Variants in CFAP74 observed in about 807,000 individuals in gnomAD.
CFAP74 encodes cilia- and flagella-associated protein 74.
A neutral mutation model predicts 188.9 loss-of-function variants in CFAP74; 124 were observed. The ratio of observed to expected loss-of-function variants is 0.66; its 90% CI spans 0.57 to 0.76. CFAP74 has a LOEUF of 0.76. CFAP74 is among the 30% of genes least tolerant of loss of function. The pLI is 0.00. For missense variants in CFAP74, 2,198 were observed against 2,165.2 expected, an observed-to-expected ratio of 1.02 and a Z score of -0.30; for synonymous variants, 956 against 916.7, an observed-to-expected ratio of 1.04 and a Z score of -0.77.
At chr1:1,986,643 C>G (rs1178935277) in intron 5 of CFAP74, among the ~76,000 whole-genome samples, 2 of 152,240 alleles carry the variant, frequency 1.3e-5, no homozygotes, top group Admixed American at 1.3e-4. Flanking sequence ...CCTCTCACCT[C>G]TCACCTCGCC....
chr1:1,922,194 G>T lies in CFAP74; in HGVS notation c.*93C>A. On this transcript the variant is annotated 3_prime_UTR_variant, in exon 39 of 39. Transcript: ENST00000682832. Reference sequence around the variant, plus strand: ...ATTGGAATCTGGCAGAGGATGGCCAGGTCCCAGGCTCTAGGGTAGTATGAC... The same window carrying T: ...ATTGGAATCTGGCAGAGGATGGCCATGTCCCAGGCTCTAGGGTAGTATGAC... 1 of 933,930 alleles carries T rather than the reference G, an allele frequency of 1.1e-6. No individual in the cohort carries two copies. Among genetic ancestry groups the T allele is most frequent in the South Asian group, 1.5e-5 (1 of 66,070 alleles). The allele number at this position is 933,930 out of a possible 1,614,324, so 57.9% of individuals were successfully genotyped here. A position where few individuals can be genotyped will look rare whatever the true frequency, so the allele number is the denominator to read the frequency against.
At chr1:1,971,588 T>G (rs2102080752) in intron 9 of CFAP74, among the ~76,000 whole-genome samples, 1 of 152,334 alleles carries the variant, frequency 6.6e-6, no homozygotes. Context: ...CCGCCTCTGC[T>G]CCTCACCTCT....
chr1:1,939,598 G>C lies in CFAP74; in HGVS notation c.2873C>G (p.Pro958Arg), dbSNP rs1178143709. The C allele has an allele frequency of 6.5e-7, 1 of 1,535,510 alleles. No homozygotes were observed. The highest frequency in any genetic ancestry group is 8.7e-7 in the Non-Finnish European group (1 of 1,146,420). Reference sequence around the variant, plus strand: ...AGGCCTGGCTGCAGGAGGTACCTTGGGAAGCCTGACGAACCCGAACTCCTG... The same window carrying C: ...AGGCCTGGCTGCAGGAGGTACCTTGCGAAGCCTGACGAACCCGAACTCCTG... ...LPQEFGFVRL[P>R]KFVDVQPNDG... Residue 958 changes from proline (P) to arginine (R), a missense_variant, in exon 24 of 39, where the codon CCC becomes CGC. Physicochemically the swap from Pro to Arg is moderately radical, Grantham distance 103. Transcript: ENST00000682832.
rs954073550 is a variant in CFAP74, at chr1:1,968,020, A to G, written c.1245+615T>C. Among the ~76,000 whole-genome samples, 7 of 148,228 alleles carry G rather than the reference A, an allele frequency of 4.7e-5. No homozygotes were observed. Among genetic ancestry groups the G allele is most frequent in the Admixed American group, 4.0e-4 (6 of 14,892 alleles). ...AATGAGTGAGCGAATGAGTGAATGAATGAGTGAATGAGTGAATGAATAAGT... is the reference window on the plus strand; with the variant it reads ...AATGAGTGAGCGAATGAGTGAATGAGTGAGTGAATGAGTGAATGAATAAGT... On this transcript the variant is annotated intron_variant, in intron 11 of 38. Transcript: ENST00000682832. This position sits in a 1 kb window ranked among gnomAD's most constrained non-coding sequence, Gnocchi z 4.3.
intron 24 of CFAP74, 32 bp downstream of exon 24, chr1:1,939,562 C>T: frequency 2.0e-6 from 3 of 1,524,070 alleles, no homozygotes; most frequent in Non-Finnish European, 2.6e-6. Context: ...CAGCCTCACC[C>T]CTCTTACCCC....
intron 11 of CFAP74, 74 bp from the exon 12 acceptor site, chr1:1,966,600 C>T (rs1655492965): frequency 3.7e-6 from 5 of 1,355,906 alleles, no homozygotes; most frequent in Admixed American, 6.6e-5. Context: ...CGGCCCAGCC[C>T]CCGCCGGTAT....
At position 1,946,712 on chromosome 1, in the gene CFAP74, C is replaced by T. The variant is rs145004608; in HGVS notation, c.2242-273G>A. Among the ~76,000 whole-genome samples the T allele has an allele frequency of 9.8e-3, 1,496 of 152,304 alleles. 25 individuals carry two copies. The highest frequency in any genetic ancestry group is 0.033 in the African/African-American group (1,380 of 41,564). The stretch of plus-strand genomic sequence containing the variant: ...GGCCGTGTCCCAGCCAGGGAGGCCG[C>T]GGCCAGCATCCACCCCAAGTTTCAC... On this transcript the variant is annotated intron_variant, in intron 19 of 38. Transcript: ENST00000682832.
intron 6 of CFAP74, among the ~76,000 whole-genome samples, chr1:1,978,181 T>C (rs1570962306): frequency 6.6e-6 from 1 of 152,256 alleles, no homozygotes; most frequent in Non-Finnish European, 1.5e-5. Context: ...TGACCACATA[T>C]AGAAGACATG....
chr1:1,992,120 C>T (rs1030831978), intron 1 of CFAP74, among the ~76,000 whole-genome samples: 22 of 152,036 alleles, frequency 1.4e-4, no homozygotes, highest in African/African-American at 2.4e-4. Flanking sequence ...CATCGTCACG[C>T]GTTGCTGGTG....
At chr1:1,960,964 G>A (rs1456671341) in intron 14 of CFAP74, among the ~76,000 whole-genome samples, 1 of 152,180 alleles carries the variant, frequency 6.6e-6, no homozygotes, top group Non-Finnish European at 1.5e-5. Context: ...TTCCAGACGT[G>A]AGAAAAGAAC....
At chr1:1,958,250 C>T (rs576263428) in intron 16 of CFAP74, among the ~76,000 whole-genome samples, 2 of 152,244 alleles carry the variant, frequency 1.3e-5, no homozygotes, top group Non-Finnish European at 2.9e-5. Context: ...CATAGCGCGC[C>T]TCTGCCCTTC....
chr1:1,958,688 C>T (rs1051200831), intron 16 of CFAP74, among the ~76,000 whole-genome samples: 12 of 150,064 alleles, frequency 8.0e-5, no homozygotes, highest in African/African-American at 2.8e-4. Flanking sequence ...TGTCCGAGGC[C>T]GACAATGTGG....
In CFAP74 at chr1:1,966,455, C is replaced by T. The variant is rs41310347; in HGVS notation, c.1317G>A (p.Gly439=). 2,051 of 1,606,586 alleles carry T rather than the reference C, an allele frequency of 1.3e-3. 2 individuals are homozygous for T. Among genetic ancestry groups the T allele is most frequent in the Non-Finnish European group, 1.6e-3 (1,887 of 1,175,878 alleles). ...LEVVSSELIQ[G]DPGASSEEET... ...CCTCCTCTGAGCTGGCCCCGGGGTC[C>T]CCCTGGATAAGCTCACTGGAAACGA... Residue 439 remains glycine (G), a synonymous_variant, in exon 12 of 39, where the codon GGG becomes GGA. Transcript: ENST00000682832.
intron 34 of CFAP74, 85 bp from the exon 35 acceptor site, chr1:1,924,014 C>T (rs536563327): frequency 2.2e-6 from 3 of 1,360,098 alleles, no homozygotes; most frequent in African/African-American, 2.9e-5. Flanking sequence ...GAGCTCTACA[C>T]CCTGCCCGCC....
intron 21 of CFAP74, among the ~76,000 whole-genome samples, chr1:1,943,317 C>T (rs1422965991): frequency 6.6e-6 from 1 of 152,248 alleles, no homozygotes; most frequent in Non-Finnish European, 1.5e-5. Flanking sequence ...GACACGCCAA[C>T]ACACGCAGCT....
intron 25 of CFAP74, among the ~76,000 whole-genome samples, chr1:1,935,987 G>A (rs2803320): frequency 0.41 from 61,641 of 151,278 alleles, 14,364 homozygotes; most frequent in Admixed American, 0.55. Flanking sequence ...GGAGGCTGAG[G>A]CGGGCAGATC....
chr1:1,985,128 G>A (rs554474651), intron 6 of CFAP74: 6 of 437,612 alleles, frequency 1.4e-5, no homozygotes, highest in African/African-American at 1.2e-4. Flanking sequence ...GAAGCACAAA[G>A]CATGAGAAAC....
rs748005806 is a variant in CFAP74, at chr1:1,942,212, G to A, written c.2487-56C>T. The A allele has an allele frequency of 1.8e-5, 26 of 1,407,586 alleles. No homozygotes were observed. Among genetic ancestry groups the A allele is most frequent in the East Asian group, 2.7e-5 (1 of 36,780 alleles). 87.2% of individuals were successfully genotyped at this position (1,407,586 alleles called of 1,614,324 possible). Reference sequence around the variant, plus strand: ...GTGCCACAGTCGTGATTCTGTGTGCGCTCAATGCCTGGAGTTATTAAAACA... The same window carrying A: ...GTGCCACAGTCGTGATTCTGTGTGCACTCAATGCCTGGAGTTATTAAAACA... On this transcript the variant is annotated intron_variant, in intron 21 of 38. Transcript: ENST00000682832. The surrounding 1 kb of genome is among the most constrained non-coding windows in gnomAD (Gnocchi z 4.3).
chr1:1,962,425 G>A (rs1260369210), intron 14 of CFAP74, among the ~76,000 whole-genome samples: 6 of 145,376 alleles, frequency 4.1e-5, no homozygotes, highest in Non-Finnish European at 7.4e-5. Context: ...GCAGGGAGCC[G>A]AGATTGTGCC....
Sources: allele counts gnomAD v4.1 joint callset (sites outside exome capture counted in the v4.1 genomes callset), GRCh38; gene constraint gnomAD v4.1.1; non-coding constraint Gnocchi (gnomAD v3.1); transcripts MANE v1.5; gene names NCBI Gene and HGNC (gene_info 2026-07-23, HGNC 2026-07-21).